SHC3: variants seen among roughly 807,000 people sequenced by gnomAD.
SHC3 encodes SHC-transforming protein 3.
In SHC3, 15 loss-of-function variants were observed where a neutral mutation model predicts 60.4. That is an observed-to-expected ratio of 0.25 (90% CI 0.17 to 0.38). The LOEUF (loss-of-function observed/expected upper bound fraction) is 0.38, where lower values mean the gene tolerates loss of function less well. SHC3 is among the 10% of genes least tolerant of loss of function. The probability of loss-of-function intolerance (pLI) is 1.00; values close to 1 mark genes in which losing one functional copy is unlikely to be tolerated. For synonymous variants in SHC3, 294 were observed against 325.9 expected (o/e 0.90, Z 1.05); for missense variants, 677 against 786.1 (o/e 0.86, Z 1.66).
At chr9:89,059,940 G>A (rs1185739087) in intron 6 of SHC3, among the ~76,000 whole-genome samples, 1 of 149,766 alleles carries the variant, frequency 6.7e-6, no homozygotes, top group Non-Finnish European at 1.5e-5. Context: ...ATGTGGTGGA[G>A]GACATAGTGA....
chr9:89,113,469 G>A (rs1038009362), intron 1 of SHC3, among the ~76,000 whole-genome samples: 4 of 152,016 alleles, frequency 2.6e-5, no homozygotes, highest in African/African-American at 9.7e-5. Context: ...CAGCCTGGGC[G>A]ACAGAGCGAG....
At chr9:89,140,142 C>A (rs984258022) in intron 1 of SHC3, among the ~76,000 whole-genome samples, 5 of 152,066 alleles carry the variant, frequency 3.3e-5, no homozygotes, top group Non-Finnish European at 7.4e-5. Flanking sequence ...GTTTTTAAAC[C>A]AATGAAAGCT....
rs753811530 is a variant in SHC3 at position 89,045,734 on chromosome 9, C to G, written c.1201+12G>C. The G allele has an allele frequency of 6.2e-7, 1 of 1,613,342 alleles. No individual in the cohort carries two copies. Among genetic ancestry groups the G allele is most frequent in the African/African-American group, 1.3e-5 (1 of 74,894 alleles). On this transcript the variant is annotated intron_variant, in intron 9 of 11. Transcript: ENST00000375835. ...CTTTTGTGTTTCTCACCCATCTCAC[C>G]TTGCCTCTCACCTTGCCTTAAAGGT...
At position 89,075,147 on chromosome 9, in the gene SHC3, T is replaced by C; in HGVS notation, c.691A>G (p.Thr231Ala). The stretch of plus-strand genomic sequence containing the variant: ...GGAGTTCGCAGGTTCAGACTGGCCG[T>C]GGAGATGGTCAGAGAGATGCTCATT... ...AGMSISLTIS[T>A]ASLNLRTPDS... is the part of the protein sequence containing the mutation. Residue 231 changes from threonine to alanine, a missense_variant, in exon 4 of 12, where the codon ACG becomes GCG. By Grantham distance (58) the Thr-to-Ala change is moderately conservative. Transcript: ENST00000375835. 6.2e-7 allele frequency: 1 copy of C among 1,614,124 alleles called. No homozygotes were observed.
intron 2 of SHC3, among the ~76,000 whole-genome samples, chr9:89,080,557 C>T (rs1433453525): frequency 6.6e-6 from 1 of 152,016 alleles, no homozygotes; most frequent in Non-Finnish European, 1.5e-5. Context: ...TGGGTCAATG[C>T]ACATCAGTAG....
At chr9:89,073,639 G>A (rs1472512599) in intron 4 of SHC3, among the ~76,000 whole-genome samples, 2 of 152,152 alleles carry the variant, frequency 1.3e-5, no homozygotes, top group Non-Finnish European at 2.9e-5. Context: ...CCAAACCAAG[G>A]GCAGGAAAAC....
chr9:89,121,995 T>C (rs1205943324), intron 1 of SHC3, among the ~76,000 whole-genome samples: 2 of 152,228 alleles, frequency 1.3e-5, no homozygotes, highest in African/African-American at 2.4e-5. Context: ...TTTTAGGTCA[T>C]GGCTCTCCTT....
At chr9:89,072,286 C>G (rs536560935) in intron 4 of SHC3, among the ~76,000 whole-genome samples, 2 of 152,144 alleles carry the variant, frequency 1.3e-5, no homozygotes, top group Admixed American at 6.5e-5. Flanking sequence ...AGGCCCACCC[C>G]GAGGCCAGGG....
At chr9:89,070,443 C>T (rs1005099422) in intron 5 of SHC3, among the ~76,000 whole-genome samples, 23 of 152,176 alleles carry the variant, frequency 1.5e-4, no homozygotes, top group African/African-American at 5.3e-4. Flanking sequence ...AGGCTGTCCA[C>T]AGTGAGCAGC....
intron 1 of SHC3, among the ~76,000 whole-genome samples, chr9:89,133,413 A>G (rs904134563): frequency 2.0e-5 from 3 of 152,236 alleles, no homozygotes; most frequent in African/African-American, 2.4e-5. Flanking sequence ...ATTACTAGGT[A>G]TATACCCAAA....
rs141127086 is a variant in SHC3, at chr9:89,038,256, A to G, written c.1393T>C (p.Leu465=). ...GCTGCCTTGCTTAACACGGGCCCCA[A>G]GGGCTGGTTCTTGAGAGCATCTTCA... ...PFEDALKNQP[L]GPVLSKAASV... is the part of the protein sequence containing the mutation. The change falls in exon 11 of 12, where the codon TTG becomes CTG. Residue 465 remains leucine, a synonymous_variant. Coordinates refer to ENST00000375835, the MANE Select transcript of SHC3 (RefSeq NM_016848.6). 1.4e-4 allele frequency: 232 copies of G among 1,613,792 alleles called. No individual in the cohort carries two copies. The highest frequency in any genetic ancestry group is 8.2e-4 in the Middle Eastern group (5 of 6,062).
chr9:89,152,511 G>C (rs1826559525), intron 1 of SHC3, among the ~76,000 whole-genome samples: 1 of 152,184 alleles, frequency 6.6e-6, no homozygotes, highest in African/African-American at 2.4e-5. Flanking sequence ...AACTGTCTTA[G>C]CAAGTCCACC....
intron 1 of SHC3, among the ~76,000 whole-genome samples, chr9:89,127,562 G>A (rs773759452): frequency 6.6e-6 from 1 of 152,142 alleles, no homozygotes; most frequent in Non-Finnish European, 1.5e-5. Context: ...CTGAGGATCT[G>A]TTCTGTTTTG....
chr9:89,120,898 A>C (rs1359762123), intron 1 of SHC3, among the ~76,000 whole-genome samples: 1 of 151,698 alleles, frequency 6.6e-6, no homozygotes, highest in Non-Finnish European at 1.5e-5. Flanking sequence ...ACTAAAAATT[A>C]TTTAAAATAA....
At chr9:89,031,119 C>T (rs1824480223) in intron 11 of SHC3, among the ~76,000 whole-genome samples, 1 of 152,140 alleles carries the variant, frequency 6.6e-6, no homozygotes, top group Non-Finnish European at 1.5e-5. Flanking sequence ...CTCCCAGCCT[C>T]AAGTGATCAC....
chr9:89,143,125 A>T (rs1256904279), intron 1 of SHC3, among the ~76,000 whole-genome samples: 1 of 152,246 alleles, frequency 6.6e-6, no homozygotes, highest in African/African-American at 2.4e-5. Context: ...TACTCCGTAG[A>T]CAGAGCAGCC....
chr9:89,077,728 G>T, intron 3 of SHC3, 112 bp downstream of exon 3: 1 of 1,299,122 alleles, frequency 7.7e-7, no homozygotes, highest in Admixed American at 1.8e-5. Context: ...AGTAGCAAGC[G>T]CCGGGCCACA....
At chr9:89,121,291 A>AT (rs891104858) in intron 1 of SHC3, among the ~76,000 whole-genome samples, 445 of 145,028 alleles carry the variant, frequency 3.1e-3, no homozygotes, top group South Asian at 6.1e-3. Context: ...GGAAGTTTCT[A>AT]TTTTTTTTTT....
At chr9:89,099,826 A>G (rs963786590) in intron 2 of SHC3, among the ~76,000 whole-genome samples, 22 of 152,242 alleles carry the variant, frequency 1.4e-4, no homozygotes, top group Non-Finnish European at 2.8e-4. Flanking sequence ...AAATCTTAAC[A>G]GCGTTGAGTT....
Sources: gnomAD v4.1 joint callset for allele counts (sites outside exome capture counted in the v4.1 genomes callset) on GRCh38, gnomAD v4.1.1 for gene constraint, MANE v1.5 for transcripts, NCBI Gene and HGNC (gene_info 2026-07-23, HGNC 2026-07-21) for gene names.